Variants in EGF observed in about 807,000 individuals in gnomAD.
EGF encodes epidermal growth factor, also known as pro-epidermal growth factor.
Under a neutral mutation model 143.8 loss-of-function variants are expected in EGF, and 95 were observed. The ratio of observed to expected loss-of-function variants is 0.66; its 90% confidence interval spans 0.56 to 0.78. EGF has a LOEUF of 0.78. EGF is among the 30% of genes least tolerant of loss of function. EGF has a pLI of 0.00. For synonymous variants in EGF, 510 were observed against 510.5 expected (o/e 1.00, Z 0.01); for missense variants, 1,320 against 1,470.9 (o/e 0.90, Z 1.68).
chr4:109,916,146 G>A (rs945008145), intron 1 of EGF, among the ~76,000 whole-genome samples: 1 of 152,112 alleles, frequency 6.6e-6, no homozygotes, highest in Non-Finnish European at 1.5e-5. Flanking sequence ...GGGATCCTGG[G>A]GTGGCACTAA....
intron 10 of EGF, 104 bp from the exon 11 acceptor site, chr4:109,968,860 CTCCAAAG>C (rs1747093958): frequency 6.9e-7 from 1 of 1,453,024 alleles, no homozygotes; most frequent in Non-Finnish European, 9.5e-7. Flanking sequence ...GTGTGCCTAT[CTCCAAAG>C]TCAAGCTCTT....
chr4:109,961,104 C>A, intron 7 of EGF, 115 bp downstream of exon 7: 4 of 1,222,794 alleles, frequency 3.3e-6, no homozygotes, highest in Non-Finnish European at 4.7e-6. Flanking sequence ...TCATAATTAC[C>A]TTTGAGTTTT....
At chr4:109,961,755 T>G in intron 7 of EGF, 108 bp from the exon 8 acceptor site, 2 of 1,435,832 alleles carry the variant, frequency 1.4e-6, no homozygotes, top group Non-Finnish European at 1.9e-6. Context: ...TCCCAACACT[T>G]TGGGAGGTCA....
intron 16 of EGF, among the ~76,000 whole-genome samples, chr4:109,984,854 A>G (rs1314432547): frequency 6.6e-6 from 1 of 152,218 alleles, no homozygotes; most frequent in Non-Finnish European, 1.5e-5. Flanking sequence ...AACTTCATTA[A>G]CATTAGGAAT....
chr4:110,007,560 A>G (rs1300872372), intron 22 of EGF, among the ~76,000 whole-genome samples: 1 of 152,236 alleles, frequency 6.6e-6, no homozygotes, highest in Non-Finnish European at 1.5e-5. Context: ...AATACAAATA[A>G]TGACAAAAGT....
intron 18 of EGF, among the ~76,000 whole-genome samples, chr4:109,990,841 C>T (rs1013773889): frequency 6.6e-6 from 1 of 152,154 alleles, no homozygotes; most frequent in Non-Finnish European, 1.5e-5. Flanking sequence ...TTGTTTTCTT[C>T]TTCCTCTTCT....
chr4:109,937,559 T>C (rs572567377), intron 1 of EGF, among the ~76,000 whole-genome samples: 2 of 152,324 alleles, frequency 1.3e-5, no homozygotes, highest in East Asian at 3.9e-4. Context: ...TATTGTTATA[T>C]GTGAATTTGA....
At chr4:109,923,453 G>C (rs962142786) in intron 1 of EGF, among the ~76,000 whole-genome samples, 1 of 151,464 alleles carries the variant, frequency 6.6e-6, no homozygotes, top group Non-Finnish European at 1.5e-5. Flanking sequence ...GTATAAATGA[G>C]ACTTACACCA....
At chr4:109,970,166 G>C (rs1406347813) in intron 11 of EGF, among the ~76,000 whole-genome samples, 1 of 152,186 alleles carries the variant, frequency 6.6e-6, no homozygotes, top group Admixed American at 6.5e-5. Context: ...TATGCAGCCT[G>C]CGTGAACCTC....
chr4:109,963,362 GA>G, intron 9 of EGF, 64 bp downstream of exon 9: 2 of 1,605,166 alleles, frequency 1.2e-6, no homozygotes, highest in African/African-American at 1.3e-5. Flanking sequence ...CTTTTGTTTA[GA>G]AAGATGGAAA....
chr4:109,931,537 C>T (rs1375969794), intron 1 of EGF, among the ~76,000 whole-genome samples: 7 of 152,174 alleles, frequency 4.6e-5, no homozygotes, highest in Non-Finnish European at 1.5e-5. Context: ...ATTCTAATTC[C>T]AAGTCTACCA....
At chr4:109,952,915 G>T (rs532424752) in intron 5 of EGF, among the ~76,000 whole-genome samples, 1 of 152,272 alleles carries the variant, frequency 6.6e-6, no homozygotes, top group East Asian at 1.9e-4. Context: ...CACATGCCTG[G>T]CTGTGGCCTC....
At chr4:109,990,894 G>T (rs1006818278) in intron 18 of EGF, among the ~76,000 whole-genome samples, 1 of 152,160 alleles carries the variant, frequency 6.6e-6, no homozygotes, top group Non-Finnish European at 1.5e-5. Flanking sequence ...CCACCCTTAT[G>T]ACCCCATGTA....
At chr4:109,943,549 T>C in intron 3 of EGF, 114 bp downstream of exon 3, 1 of 1,221,096 alleles carries the variant, frequency 8.2e-7, no homozygotes, top group South Asian at 1.3e-5. Flanking sequence ...AAGCCCTCTT[T>C]TGCAGCACAC....
At chr4:109,984,087 G>A (rs1230618319) in intron 16 of EGF, among the ~76,000 whole-genome samples, 1 of 152,102 alleles carries the variant, frequency 6.6e-6, no homozygotes, top group Non-Finnish European at 1.5e-5. Context: ...ATTCACCTAG[G>A]AGGTCAGTGG....
At chr4:109,980,160 A>G (rs1329602602) in intron 14 of EGF, 21 bp downstream of exon 14, 5 of 1,579,430 alleles carry the variant, frequency 3.2e-6, no homozygotes, top group Non-Finnish European at 4.3e-6. Context: ...GAGATGTTAC[A>G]CAGTCTTTCC....
chr4:109,993,143 C>T, intron 18 of EGF, 104 bp from the exon 19 acceptor site: 1 of 1,453,684 alleles, frequency 6.9e-7, no homozygotes, highest in Non-Finnish European at 9.6e-7. Flanking sequence ...GAACATATAG[C>T]ATGACAGAAG....
At chr4:109,936,359 G>A (rs1274488983) in intron 1 of EGF, among the ~76,000 whole-genome samples, 2 of 152,064 alleles carry the variant, frequency 1.3e-5, no homozygotes, top group East Asian at 1.9e-4. Context: ...ATTCTCTAAC[G>A]GTAGTTTGTA....
chr4:110,012,769 T>G lies in EGF; in HGVS notation c.*1314T>G, dbSNP rs914748603. ...CTCTGTAGATTAAAATTTCACATGG[T>G]GTTCTAATTAAATATTTTTCTTGCA... is the stretch of plus-strand genomic sequence containing the variant. On this transcript the variant is annotated 3_prime_UTR_variant, in exon 24 of 24. Coordinates refer to ENST00000265171, the MANE Select transcript of EGF (RefSeq NM_001963.6). Among the ~76,000 whole-genome samples, 1 of 152,176 alleles carries G rather than the reference T, an allele frequency of 6.6e-6. No individual in the cohort carries two copies. The highest frequency in any genetic ancestry group is 1.9e-4 in the East Asian group (1 of 5,198).
Sources: allele counts gnomAD v4.1 joint callset (sites outside exome capture counted in the v4.1 genomes callset), GRCh38; gene constraint gnomAD v4.1.1; transcripts MANE v1.5; gene names NCBI Gene and HGNC (gene_info 2026-07-23, HGNC 2026-07-21).